Variants in NTRK2 observed in about 807,000 individuals in gnomAD.
NTRK2 encodes the protein BDNF/NT-3 growth factors receptor.
A neutral mutation model predicts 94.5 loss-of-function variants in NTRK2; 13 were observed. That is an observed-to-expected ratio of 0.14 (90% CI 0.09 to 0.22). NTRK2 has a LOEUF of 0.22. NTRK2 is among the 10% of genes least tolerant of loss of function. The pLI, the probability that NTRK2 is intolerant of heterozygous loss-of-function variation, is 1.00. For synonymous variants in NTRK2, 372 were observed against 407.4 expected (o/e 0.91, Z 1.05); for missense variants, 639 against 1,071.2 (o/e 0.60, Z 5.63).
At chr9:84,751,915 G>A in intron 11 of NTRK2, 71 bp from the exon 12 acceptor site, 1 of 1,162,746 alleles carries the variant, frequency 8.6e-7, no homozygotes, top group Non-Finnish European at 1.3e-6. Context: ...TCATCGTCAT[G>A]ATCATCATCA....
intron 12 of NTRK2, among the ~76,000 whole-genome samples, chr9:84,779,075 G>A (rs1030120362): frequency 2.0e-5 from 3 of 152,126 alleles, no homozygotes; most frequent in Admixed American, 6.6e-5. Context: ...TGATTAGAAG[G>A]CTTCAATTAC....
intron 17 of NTRK2, among the ~76,000 whole-genome samples, chr9:84,997,745 G>A (rs1248736827): frequency 2.0e-5 from 3 of 152,178 alleles, no homozygotes; most frequent in Non-Finnish European, 4.4e-5. Flanking sequence ...AGCTGCAGCT[G>A]CTTAAGTAAT....
intron 14 of NTRK2, among the ~76,000 whole-genome samples, chr9:84,908,856 TA>T (rs1389966652): frequency 2.6e-5 from 4 of 152,184 alleles, no homozygotes; most frequent in African/African-American, 7.2e-5. Context: ...TTACAATTTT[TA>T]ATTAAACTTC....
chr9:84,718,642 T>C (rs1424234100), intron 6 of NTRK2, among the ~76,000 whole-genome samples: 1 of 152,154 alleles, frequency 6.6e-6, no homozygotes, highest in Admixed American at 6.5e-5. Context: ...AAGACAGCTG[T>C]AGGGCTTAGA....
intron 12 of NTRK2, among the ~76,000 whole-genome samples, chr9:84,756,513 C>A (rs1480640859): frequency 6.6e-6 from 1 of 152,222 alleles, no homozygotes; most frequent in Non-Finnish European, 1.5e-5. Flanking sequence ...GCATTCATCA[C>A]CCTGCTGGAG....
At chr9:84,972,287 G>T (rs1826278934) in intron 17 of NTRK2, among the ~76,000 whole-genome samples, 1 of 152,188 alleles carries the variant, frequency 6.6e-6, no homozygotes, top group Non-Finnish European at 1.5e-5. Flanking sequence ...AACTAAGAAC[G>T]AGAGCTGTGA....
intron 12 of NTRK2, among the ~76,000 whole-genome samples, chr9:84,806,300 A>G (rs2071105046): frequency 6.6e-6 from 1 of 152,220 alleles, no homozygotes. Flanking sequence ...TACTTGCAGG[A>G]GAAGGCTTTT....
At chr9:84,744,371 C>G (rs1663748573) in intron 10 of NTRK2, among the ~76,000 whole-genome samples, 2 of 152,118 alleles carry the variant, frequency 1.3e-5, no homozygotes, top group African/African-American at 4.8e-5. Flanking sequence ...CAGAACTCTT[C>G]AAAAAAGTTT....
chr9:84,706,466 T>C (rs1400252082), intron 4 of NTRK2, among the ~76,000 whole-genome samples: 1 of 151,006 alleles, frequency 6.6e-6, no homozygotes, highest in Non-Finnish European at 1.5e-5. Context: ...AAGAGTAGCC[T>C]CAGGTGAGGG....
chr9:84,825,223 C>G (rs1181107449), intron 12 of NTRK2, among the ~76,000 whole-genome samples: 1 of 152,094 alleles, frequency 6.6e-6, no homozygotes, highest in Non-Finnish European at 1.5e-5. Flanking sequence ...CCTCCAGGCC[C>G]TTTGTAATTG....
rs1832988771 is a variant in NTRK2 at position 85,025,497 on chromosome 9, A to G, written c.*4060A>G. 1 of 233,126 alleles carries G rather than the reference A, an allele frequency of 4.3e-6. No homozygotes were observed. The highest frequency in any genetic ancestry group is 2.2e-5 in the African/African-American group (1 of 45,344). The allele number at this position is 233,126 out of a possible 1,614,324, so 14.4% of individuals were successfully genotyped here. ...CCCACATCCTAGAGTGAATGCACCA[A>G]CTAACAGTATAGAATGCTGTCCTTT... On this transcript the variant is annotated 3_prime_UTR_variant, in exon 19 of 19. Coordinates refer to ENST00000277120, the MANE Select transcript of NTRK2 (RefSeq NM_006180.6).
intron 12 of NTRK2, among the ~76,000 whole-genome samples, chr9:84,792,205 A>G (rs998533119): frequency 2.0e-5 from 3 of 152,224 alleles, no homozygotes; most frequent in Non-Finnish European, 4.4e-5. Context: ...CCCTTAATAC[A>G]TTAAAGAAGA....
At chr9:84,698,791 A>C (rs2060545114) in intron 2 of NTRK2, among the ~76,000 whole-genome samples, 1 of 152,130 alleles carries the variant, frequency 6.6e-6, no homozygotes, top group Non-Finnish European at 1.5e-5. Context: ...TTCTTGGGAG[A>C]TAAGCAACTT....
At chr9:84,912,443 T>C (rs2077264297) in intron 14 of NTRK2, among the ~76,000 whole-genome samples, 1 of 152,102 alleles carries the variant, frequency 6.6e-6, no homozygotes, top group African/African-American at 2.4e-5. Flanking sequence ...AGGTTTATTA[T>C]GTCTTTTTGG....
chr9:84,672,666 C>A lies in NTRK2; in HGVS notation c.212+1706C>A, dbSNP rs540260088. Among the ~76,000 whole-genome samples, 5 of 152,178 alleles carry A rather than the reference C, an allele frequency of 3.3e-5. No homozygotes were observed. In the South Asian group the frequency reaches 1.0e-3, roughly 32 times the overall value. On this transcript the variant is annotated intron_variant, in intron 2 of 18. Coordinates refer to ENST00000277120, the MANE Select transcript of NTRK2 (RefSeq NM_006180.6). ...TAATGAAGAAAGAAAGAAGATAGGG[C>A]TGATCATTTTCACTTTGTTTTTCTG...
chr9:84,844,126 A>G (rs1033552433), intron 12 of NTRK2, among the ~76,000 whole-genome samples: 21 of 152,294 alleles, frequency 1.4e-4, no homozygotes, highest in African/African-American at 3.8e-4. Flanking sequence ...TCTAAGTAAC[A>G]ATGAGGGGAG....
chr9:84,703,893 A>G (rs2060881980), intron 4 of NTRK2, among the ~76,000 whole-genome samples: 1 of 152,238 alleles, frequency 6.6e-6, no homozygotes, highest in Non-Finnish European at 1.5e-5. Context: ...AGCATAAACA[A>G]GAGAGAAGTT....
intron 12 of NTRK2, among the ~76,000 whole-genome samples, chr9:84,858,951 A>G (rs983439706): frequency 1.3e-5 from 2 of 152,196 alleles, no homozygotes; most frequent in Admixed American, 6.6e-5. Context: ...AGATTTGCTA[A>G]GTGTATCAGC....
intron 7 of NTRK2, 148 bp downstream of exon 7, chr9:84,723,857 A>G: frequency 8.6e-7 from 1 of 1,168,736 alleles, no homozygotes; most frequent in African/African-American, 1.5e-5. Context: ...TTCACTTTCT[A>G]CTTATTCTTA....
Sources: allele counts gnomAD v4.1 joint callset (sites outside exome capture counted in the v4.1 genomes callset), GRCh38; gene constraint gnomAD v4.1.1; transcripts MANE v1.5; gene names NCBI Gene and HGNC (gene_info 2026-07-23, HGNC 2026-07-21).